Variants in MFHAS1 observed in about 807,000 individuals in gnomAD.
MFHAS1 encodes malignant fibrous histiocytoma-amplified sequence 1.
In MFHAS1, 50 loss-of-function variants were observed where a neutral mutation model predicts 70.4. The ratio of observed to expected loss-of-function variants is 0.71; its 90% CI spans 0.57 to 0.90. The LOEUF is 0.90. Ranked by LOEUF, MFHAS1 falls within the 40% of genes least tolerant of loss-of-function variation. The pLI is 0.00. For synonymous variants in MFHAS1, 952 were observed against 620.0 expected, an observed-to-expected ratio of 1.54 and a Z score of -7.96; for missense variants, 1,795 against 1,347.6, an observed-to-expected ratio of 1.33 and a Z score of -5.20.
chr8:8,828,705 G>C (rs1807254993), intron 1 of MFHAS1, among the ~76,000 whole-genome samples: 1 of 152,224 alleles, frequency 6.6e-6, no homozygotes, highest in African/African-American at 2.4e-5. Context: ...GTGACACTCT[G>C]TAATGCGGGC....
At chr8:8,809,175 G>A (rs1257578434) in intron 1 of MFHAS1, among the ~76,000 whole-genome samples, 1 of 152,012 alleles carries the variant, frequency 6.6e-6, no homozygotes, top group Admixed American at 6.5e-5. Flanking sequence ...ACAAGCTCAG[G>A]GCTCCCACTG....
intron 2 of MFHAS1, among the ~76,000 whole-genome samples, chr8:8,789,410 C>A (rs1456170107): frequency 6.6e-6 from 1 of 152,154 alleles, no homozygotes; most frequent in African/African-American, 2.4e-5. Context: ...AGCCTACAGA[C>A]ATCCAGGGAT....
In MFHAS1 at chr8:8,880,315, G is replaced by A. The variant is rs556768969; in HGVS notation, c.2998+9746C>T. ...GTATCTGCCCCACCCCTCCAAAGGTGCTTGGCTGAGATGTGGCAGGTGCAC... is the reference window on the plus strand; with the variant it reads ...GTATCTGCCCCACCCCTCCAAAGGTACTTGGCTGAGATGTGGCAGGTGCAC... On this transcript the variant is annotated intron_variant, in intron 1 of 2. Coordinates refer to ENST00000276282, the MANE Select transcript of MFHAS1 (RefSeq NM_004225.3). 3.9e-5 allele frequency among the ~76,000 whole-genome samples: 6 copies of A among 152,354 alleles called. No homozygotes were observed. In the South Asian group the frequency reaches 1.2e-3, roughly 32 times the overall value.
intron 2 of MFHAS1, among the ~76,000 whole-genome samples, chr8:8,786,326 C>G (rs1319054257): frequency 6.6e-6 from 1 of 152,180 alleles, no homozygotes; most frequent in Non-Finnish European, 1.5e-5. Flanking sequence ...TGGCTGTCAT[C>G]ACTTATTCCA....
At chr8:8,866,758 G>T (rs1467911832) in intron 1 of MFHAS1, among the ~76,000 whole-genome samples, 3 of 152,210 alleles carry the variant, frequency 2.0e-5, no homozygotes, top group Non-Finnish European at 4.4e-5. Flanking sequence ...AGAATGGCAT[G>T]AATGGGACGG....
At chr8:8,847,887 T>C (rs939635790) in intron 1 of MFHAS1, among the ~76,000 whole-genome samples, 2 of 152,202 alleles carry the variant, frequency 1.3e-5, no homozygotes, top group Non-Finnish European at 2.9e-5. Context: ...AACCTCAATT[T>C]CACACCACAG....
At chr8:8,838,927 A>C (rs1585044794) in intron 1 of MFHAS1, among the ~76,000 whole-genome samples, 1 of 152,192 alleles carries the variant, frequency 6.6e-6, no homozygotes, top group African/African-American at 2.4e-5. Flanking sequence ...ATGACAACTA[A>C]GCAAAGGCAT....
chr8:8,841,766 C>G (rs537180690), intron 1 of MFHAS1, among the ~76,000 whole-genome samples: 1 of 152,296 alleles, frequency 6.6e-6, no homozygotes, highest in South Asian at 2.1e-4. Flanking sequence ...GGCCACACCC[C>G]ACGGGTACGA....
intron 1 of MFHAS1, among the ~76,000 whole-genome samples, chr8:8,839,718 T>C (rs1807731854): frequency 6.6e-6 from 1 of 152,238 alleles, no homozygotes; most frequent in Non-Finnish European, 1.5e-5. Flanking sequence ...TAACGTAATA[T>C]ATTATTGATT....
At chr8:8,857,091 C>T (rs866883938) in intron 1 of MFHAS1, among the ~76,000 whole-genome samples, 2 of 151,010 alleles carry the variant, frequency 1.3e-5, no homozygotes, top group African/African-American at 4.9e-5. Context: ...AGAGGCACTG[C>T]CAAATTCTAA....
intron 1 of MFHAS1, among the ~76,000 whole-genome samples, chr8:8,836,644 T>C (rs181929601): frequency 1.1e-3 from 173 of 152,312 alleles, no homozygotes; most frequent in African/African-American, 4.0e-3. Flanking sequence ...TCCCAAAGTG[T>C]TGAGATTAAA....
At chr8:8,878,264 C>A (rs558377078) in intron 1 of MFHAS1, among the ~76,000 whole-genome samples, 1 of 152,146 alleles carries the variant, frequency 6.6e-6, no homozygotes, top group Non-Finnish European at 1.5e-5. Flanking sequence ...ACCCAAGTGA[C>A]GGTGGGTCAG....
chr8:8,836,925 T>C (rs1303253231), intron 1 of MFHAS1, among the ~76,000 whole-genome samples: 1 of 152,114 alleles, frequency 6.6e-6, no homozygotes. Flanking sequence ...TTATTTAAAA[T>C]GACCCTTTAA....
intron 1 of MFHAS1, among the ~76,000 whole-genome samples, chr8:8,844,506 C>T (rs148103198): frequency 6.6e-6 from 1 of 152,208 alleles, no homozygotes; most frequent in African/African-American, 2.4e-5. Context: ...CTTGCACCAG[C>T]TTCTTATCTG....
intron 1 of MFHAS1, among the ~76,000 whole-genome samples, chr8:8,868,878 G>T (rs1332827300): frequency 2.6e-5 from 4 of 151,972 alleles, no homozygotes; most frequent in African/African-American, 9.7e-5. Flanking sequence ...AGAGAAAAAG[G>T]GAGAGGAAAA....
At chr8:8,877,692 TC>T (rs1585067687) in intron 1 of MFHAS1, among the ~76,000 whole-genome samples, 1 of 152,082 alleles carries the variant, frequency 6.6e-6, no homozygotes, top group East Asian at 1.9e-4. Context: ...TGATTATGAG[TC>T]TGAGCAAATA....
chr8:8,802,701 T>G (rs1806123157), intron 1 of MFHAS1, among the ~76,000 whole-genome samples: 1 of 152,172 alleles, frequency 6.6e-6, no homozygotes, highest in Non-Finnish European at 1.5e-5. Context: ...CATGATCAGC[T>G]GGCCAAAGCT....
chr8:8,859,710 G>C (rs184762293), intron 1 of MFHAS1, among the ~76,000 whole-genome samples: 1 of 152,230 alleles, frequency 6.6e-6, no homozygotes, highest in East Asian at 1.9e-4. Context: ...TATATTGTAA[G>C]AATATAGTAT....
At chr8:8,824,792 A>C (rs1319566388) in intron 1 of MFHAS1, among the ~76,000 whole-genome samples, 1 of 152,200 alleles carries the variant, frequency 6.6e-6, no homozygotes, top group Non-Finnish European at 1.5e-5. Context: ...CAAGGAAAGA[A>C]AATAGATTAG....
Sources: allele counts gnomAD v4.1 joint callset (sites outside exome capture counted in the v4.1 genomes callset), GRCh38; gene constraint gnomAD v4.1.1; transcripts MANE v1.5; gene names NCBI Gene and HGNC (gene_info 2026-07-23, HGNC 2026-07-21).